Variants in BIRC2 observed in about 807,000 individuals in gnomAD.
BIRC2 encodes the protein baculoviral IAP repeat-containing protein 2.
BIRC2 carries 18 observed loss-of-function variants against 60.9 expected under a neutral mutation model. The ratio of observed to expected loss-of-function variants is 0.30; its 90% CI spans 0.20 to 0.44. BIRC2 has a LOEUF of 0.44. BIRC2 is among the 20% of genes least tolerant of loss of function. The pLI, the probability that BIRC2 is intolerant of heterozygous loss-of-function variation, is 1.00. For missense variants in BIRC2, 701 were observed against 728.5 expected, an observed-to-expected ratio of 0.96 and a Z score of 0.43; for synonymous variants, 282 against 247.7, an observed-to-expected ratio of 1.14 and a Z score of -1.30.
intron 5 of BIRC2, among the ~76,000 whole-genome samples, chr11:102,364,358 A>C (rs1175831848): frequency 6.6e-6 from 1 of 151,878 alleles, no homozygotes; most frequent in Non-Finnish European, 1.5e-5. Context: ...GCAATGCCAA[A>C]TAAGCGGTGC....
chr11:102,362,912 C>G lies in BIRC2; in HGVS notation c.1012C>G (p.Arg338Gly), dbSNP rs896200881. The G allele has an allele frequency of 1.5e-5, 24 of 1,612,098 alleles. No individual in the cohort carries two copies. The highest frequency in any genetic ancestry group is 2.0e-5 in the Non-Finnish European group (24 of 1,178,834). Residue 338 changes from arginine to glycine, a missense_variant, in exon 4 of 9, where the codon CGA (arginine) becomes GGA (glycine). This residue lies in a region of BIRC2 where 39 missense variants were observed against 69.8 expected (regional missense o/e 0.56). Transcript: ENST00000227758. ...KWFPRCEFLI[R>G]MKGQEFVDEI... Reference sequence around the variant, plus strand: ...ATGTTTTAGGTGTGAGTTCTTGATACGAATGAAAGGCCAAGAGTTTGTTGA... The same window carrying G: ...ATGTTTTAGGTGTGAGTTCTTGATAGGAATGAAAGGCCAAGAGTTTGTTGA...
chr11:102,351,207 T>C (rs1951354564), intron 3 of BIRC2, among the ~76,000 whole-genome samples: 1 of 152,150 alleles, frequency 6.6e-6, no homozygotes, highest in Non-Finnish European at 1.5e-5. Flanking sequence ...ACTTAAGGAT[T>C]ACAAAGACAT....
intron 3 of BIRC2, among the ~76,000 whole-genome samples, chr11:102,356,659 A>T (rs887698730): frequency 6.7e-6 from 1 of 148,278 alleles, no homozygotes. Flanking sequence ...TGAGATGTTT[A>T]TATTATTATT....
chr11:102,375,156 C>A (rs150320833), intron 6 of BIRC2, among the ~76,000 whole-genome samples: 2,743 of 152,284 alleles, frequency 0.018, 42 homozygotes, highest in Non-Finnish European at 0.03. Context: ...AGCTGTACAC[C>A]GGAGCTGTTC....
At chr11:102,372,380 A>G (rs1180800323) in intron 6 of BIRC2, among the ~76,000 whole-genome samples, 2 of 151,996 alleles carry the variant, frequency 1.3e-5, no homozygotes, top group East Asian at 1.9e-4. Flanking sequence ...GTTTGTTCTC[A>G]TTGGTTTCAA....
chr11:102,372,346 C>T (rs1951642597), intron 6 of BIRC2, among the ~76,000 whole-genome samples: 1 of 152,118 alleles, frequency 6.6e-6, no homozygotes, highest in African/African-American at 2.4e-5. Context: ...TTGAATGTGT[C>T]CCAGAGATTC....
intron 5 of BIRC2, among the ~76,000 whole-genome samples, chr11:102,367,276 C>T (rs1013131641): frequency 2.6e-5 from 4 of 151,668 alleles, no homozygotes; most frequent in African/African-American, 4.8e-5. Flanking sequence ...TTTATTTATC[C>T]ATTCCCTATT....
intron 3 of BIRC2, among the ~76,000 whole-genome samples, chr11:102,359,023 ATTAT>A (rs1265014275): frequency 6.6e-6 from 1 of 152,102 alleles, no homozygotes; most frequent in Non-Finnish European, 1.5e-5. Context: ...TGTTTGGCAG[ATTAT>A]TTGTTTCTTC....
At chr11:102,376,058 A>G (rs1951709744) in intron 6 of BIRC2, among the ~76,000 whole-genome samples, 1 of 152,138 alleles carries the variant, frequency 6.6e-6, no homozygotes, top group Non-Finnish European at 1.5e-5. Flanking sequence ...AGGATTGTTA[A>G]GTAGTAATGA....
In BIRC2 at chr11:102,348,621, C is replaced by G. The variant is rs1471437511; in HGVS notation, c.-1234C>G. On this transcript the variant is annotated 5_prime_UTR_variant, in exon 2 of 9. Coordinates refer to ENST00000227758, the MANE Select transcript of BIRC2 (RefSeq NM_001166.5). ...AGATTTACAACCCTGAAGAATCTCC[C>G]TATCCCTATTTTGTCCCCCTGCAGT... The G allele has an allele frequency of 3.9e-6, 1 of 259,154 alleles. No homozygotes were observed. The highest frequency in any genetic ancestry group is 2.3e-5 in the African/African-American group (1 of 43,006). The allele number at this position is 259,154 out of a possible 1,614,324, so 16.1% of individuals were successfully genotyped here.
At chr11:102,364,821 G>T (rs1295486128) in intron 5 of BIRC2, among the ~76,000 whole-genome samples, 1 of 152,166 alleles carries the variant, frequency 6.6e-6, no homozygotes, top group African/African-American at 2.4e-5. Flanking sequence ...GAGAGTACCT[G>T]GGTACATGAC....
chr11:102,351,082 C>A, intron 3 of BIRC2, 139 bp downstream of exon 3: 1 of 783,100 alleles, frequency 1.3e-6, no homozygotes, highest in Non-Finnish European at 2.0e-6. Context: ...TAAAAGATCA[C>A]ATTTTAACTT....
At chr11:102,364,125 T>C (rs1164593942) in intron 5 of BIRC2, among the ~76,000 whole-genome samples, 1 of 110,798 alleles carries the variant, frequency 9.0e-6, no homozygotes, top group Admixed American at 1.1e-4. Flanking sequence ...TACTGGGAAG[T>C]CAGCTAATAA....
chr11:102,368,396 A>G lies in BIRC2; in HGVS notation c.1214A>G (p.Asn405Ser), dbSNP rs187423268. 8.7e-6 allele frequency: 14 copies of G among 1,614,090 alleles called. No homozygotes were observed. Among genetic ancestry groups the G allele is most frequent in the Middle Eastern group, 3.3e-4 (2 of 6,062 alleles). Residue 405 changes from asparagine to serine, a missense_variant, in exon 6 of 9, where the codon AAT becomes AGT. Coordinates refer to ENST00000227758, the MANE Select transcript of BIRC2 (RefSeq NM_001166.5). ...VVKSALEMGFNRDLVKQTVQS... is the reference protein window; with the variant it reads ...VVKSALEMGFSRDLVKQTVQS... ...AAATCTGCCTTGGAAATGGGCTTTA[A>G]TAGAGACCTGGTGAAACAAACAGTT...
chr11:102,364,192 G>T (rs868629381), intron 5 of BIRC2, among the ~76,000 whole-genome samples: 2 of 113,564 alleles, frequency 1.8e-5, no homozygotes, highest in African/African-American at 8.3e-5. Flanking sequence ...CACACAGAGA[G>T]AGAGAGAGAG....
chr11:102,350,050 A>G lies in BIRC2; in HGVS notation c.196A>G (p.Ser66Gly). 1 of 1,614,224 alleles carries G rather than the reference A, an allele frequency of 6.2e-7. No individual in the cohort carries two copies. The highest frequency in any genetic ancestry group is 8.5e-7 in the Non-Finnish European group (1 of 1,180,042). Residue 66 changes from serine to glycine, a missense_variant, in exon 2 of 9, where the codon AGT becomes GGT. This residue lies in a region of BIRC2 where 375 missense variants were observed against 365.9 expected (regional missense o/e 1.02). Transcript: ENST00000227758. ...CGCCGGGGTGCCTGTCTCAGAAAGG[A>G]GTCTTGCTCGTGCTGGTTTTTATTA... Reference protein sequence around the residue: ...FPAGVPVSERSLARAGFYYTG... With the variant: ...FPAGVPVSERGLARAGFYYTG...
chr11:102,367,023 T>G (rs1235967793), intron 5 of BIRC2, among the ~76,000 whole-genome samples: 1 of 152,322 alleles, frequency 6.6e-6, no homozygotes, highest in East Asian at 1.9e-4. Flanking sequence ...TTGAGATATT[T>G]CCATAGCTCA....
At position 102,357,193 on chromosome 11, in the gene BIRC2, G is replaced by T. The variant is rs540877036; in HGVS notation, c.996-5703G>T. 3.9e-5 allele frequency among the ~76,000 whole-genome samples: 6 copies of T among 152,192 alleles called. No homozygotes were observed. The South Asian group carries it at 1.2e-3, about 32-fold the overall frequency. On this transcript the variant is annotated intron_variant, in intron 3 of 8. Coordinates refer to ENST00000227758, the MANE Select transcript of BIRC2 (RefSeq NM_001166.5). ...TCTTTTCTTGTGTTGTCCTGGTCTG[G>T]CTTTGGTATCAGAGTAATGCTTGGC... is the stretch of plus-strand genomic sequence containing the variant.
At chr11:102,372,607 T>C (rs1451289912) in intron 6 of BIRC2, among the ~76,000 whole-genome samples, 17 of 146,552 alleles carry the variant, frequency 1.2e-4, no homozygotes, top group African/African-American at 4.1e-4. Flanking sequence ...AATTTTGGAA[T>C]AGGTGTGGTG....
Sources: gnomAD v4.1 joint callset for allele counts (sites outside exome capture counted in the v4.1 genomes callset) on GRCh38, gnomAD v4.1.1 for gene constraint, gnomAD v4.1.1 regional missense constraint, MANE v1.5 for transcripts, NCBI Gene and HGNC (gene_info 2026-07-23, HGNC 2026-07-21) for gene names.